CARNS1: variants seen among roughly 807,000 people sequenced by gnomAD.
CARNS1 encodes ATP-grasp domain containing 1.
A neutral mutation model predicts 74.0 loss-of-function variants in CARNS1; 61 were observed. That is an observed-to-expected ratio of 0.82 (90% confidence interval 0.67 to 1.02). The LOEUF is 1.02. Among genes scored for constraint, CARNS1 ranks in the 50% least tolerant of loss-of-function variants. The pLI, the probability that CARNS1 is intolerant of heterozygous loss-of-function variation, is 0.00. For missense variants in CARNS1, 1,278 were observed against 1,308.4 expected (o/e 0.98, Z 0.36); for synonymous variants, 568 against 605.5 (o/e 0.94, Z 0.91).
rs1863698011 is a variant in CARNS1, at chr11:67,421,299, G to T, written c.1626+80G>T. The T allele has an allele frequency of 9.8e-6, 13 of 1,331,726 alleles. 1 individual carries two copies. In the South Asian group the frequency reaches 2.1e-4, roughly 21 times the overall value. 82.5% of individuals were successfully genotyped at this position (1,331,726 alleles called of 1,614,324 possible). On this transcript the variant is annotated intron_variant, in intron 9 of 9. Transcript: ENST00000687366. ...GCGGGACCCCGGGGCGGGGCCTGGA[G>T]CAAAGGGGCGTCCTTGGGGCGGGAC...
At position 67,417,428 on chromosome 11, in the gene CARNS1, C is replaced by A; in HGVS notation, c.25C>A (p.Pro9Thr). The A allele has an allele frequency of 7.1e-7, 1 of 1,398,932 alleles. No homozygotes were observed. Among genetic ancestry groups the A allele is most frequent in the South Asian group, 1.6e-5 (1 of 64,438 alleles). The allele number at this position is 1,398,932 out of a possible 1,614,324, so 86.7% of individuals were successfully genotyped here. Residue 9 changes from proline to threonine, a missense_variant, in exon 3 of 10, where the codon CCC becomes ACC. Physicochemically the swap from Pro to Thr is conservative, Grantham distance 38. Around this residue, in one of 3 missense-constraint regions of CARNS1, gnomAD observed 104 missense variants for 127.3 expected, o/e 0.82. Transcript: ENST00000687366. ...TCAGCTCTCCCTGGATCCATCGGGT[C>A]CCGAGTGGGATTGCCCACTGGGCTC... The part of the protein sequence containing the change: MLSLDPSG[P>T]EWDCPLGSKD...
intron 2 of CARNS1, chr11:67,416,506 C>T (rs752157395): frequency 5.2e-5 from 65 of 1,245,270 alleles, no homozygotes; most frequent in East Asian, 1.3e-4. Context: ...AGTCCTCTGC[C>T]GTCTGGGCCA....
chr11:67,425,530 C>T lies in CARNS1; in HGVS notation c.*929C>T, dbSNP rs934250366. 5.9e-6 allele frequency: 1 copy of T among 169,224 alleles called. No individual in the cohort carries two copies. The highest frequency in any genetic ancestry group is 1.3e-5 in the Non-Finnish European group (1 of 77,290). The allele number at this position is 169,224 out of a possible 1,614,324, so 10.5% of individuals were successfully genotyped here. On this transcript the variant is annotated 3_prime_UTR_variant, in exon 10 of 10. Coordinates refer to ENST00000687366, the MANE Select transcript of CARNS1 (RefSeq NM_001166222.2). ...ATTCAGGGAAGATGCTTTAAGAAAT[C>T]CTGCCTCTGTGCAGCAGAGGAGCTG... is the stretch of plus-strand genomic sequence containing the variant.
rs1424252421 is a variant in CARNS1 at position 67,420,814 on chromosome 11, G to A, written c.1319G>A (p.Gly440Glu). ...EAGLSAEQRG[G>E]RRAHTDFLGV... Reference sequence around the variant, plus strand: ...GGCCTGAGTGCCGAGCAGCGCGGCGGGCGCCGGGCGCACACGGACTTCCTG... The same window carrying A: ...GGCCTGAGTGCCGAGCAGCGCGGCGAGCGCCGGGCGCACACGGACTTCCTG... Residue 440 changes from glycine to glutamate, a missense_variant, in exon 8 of 10, where the codon GGG becomes GAG. Around this residue, in one of 3 missense-constraint regions of CARNS1, gnomAD observed 1,164 missense variants for 1,156.5 expected, o/e 1.01. Coordinates refer to ENST00000687366, the MANE Select transcript of CARNS1 (RefSeq NM_001166222.2). 2 of 1,222,900 alleles carry A rather than the reference G, an allele frequency of 1.6e-6. No homozygotes were observed. The highest frequency in any genetic ancestry group is 1.6e-5 in the African/African-American group (1 of 63,446). 75.8% of individuals were successfully genotyped at this position (1,222,900 alleles called of 1,614,324 possible).
At position 67,423,832 on chromosome 11, in the gene CARNS1, A is replaced by G; in HGVS notation, c.2084A>G (p.His695Arg). ...CTGGTAGAGGATGCGCCACAGTGCC[A>G]TGAGCACTTTTCCCGGATTACCCGA... The part of the protein sequence containing the change: ...VRLVEDAPQC[H>R]EHFSRITRDL... The change falls in exon 10 of 10, where the codon CAT (histidine) becomes CGT (arginine). Residue 695 changes from histidine to arginine, a missense_variant. Around this residue, in one of 3 missense-constraint regions of CARNS1, gnomAD observed 1,164 missense variants for 1,156.5 expected, o/e 1.01. Transcript: ENST00000687366. The surrounding 1 kb of genome is among the most constrained non-coding windows in gnomAD (Gnocchi z 5.1). The G allele has an allele frequency of 6.2e-7, 1 of 1,611,370 alleles. No individual in the cohort carries two copies.
Position 67,417,563 on chromosome 11 carries a change from C to A in CARNS1, c.160C>A (p.Pro54Thr). 1 of 1,377,830 alleles carries A rather than the reference C, an allele frequency of 7.3e-7. No individual in the cohort carries two copies. Among genetic ancestry groups the A allele is most frequent in the South Asian group, 1.6e-5 (1 of 60,912 alleles). 85.4% of individuals were successfully genotyped at this position (1,377,830 alleles called of 1,614,324 possible). The change falls in exon 3 of 10, where the codon CCC (proline) becomes ACC (threonine). Residue 54 changes from proline to threonine, a missense_variant. Coordinates refer to ENST00000687366, the MANE Select transcript of CARNS1 (RefSeq NM_001166222.2). Reference sequence around the variant, plus strand: ...CGTGGGCCTGGACTGCAAGGGATCCCCCGAGGGGGCCGAGGCCCGGGCTTG... The same window carrying A: ...CGTGGGCCTGGACTGCAAGGGATCCACCGAGGGGGCCGAGGCCCGGGCTTG... ...QDVGLDCKGSPEGAEARAWTV... is the reference protein window; with the variant it reads ...QDVGLDCKGSTEGAEARAWTV...
At chr11:67,415,857 C>T (rs1332784308) in intron 1 of CARNS1, 94 bp downstream of exon 1, 2 of 196,120 alleles carry the variant, frequency 1.0e-5, no homozygotes, top group Non-Finnish European at 2.1e-5. Flanking sequence ...GCCCGCTCCC[C>T]GCGGCGGGAC....
intron 7 of CARNS1, among the ~76,000 whole-genome samples, chr11:67,420,202 T>C (rs1863660288): frequency 6.6e-6 from 1 of 151,094 alleles, no homozygotes; most frequent in Non-Finnish European, 1.5e-5. Context: ...AGCTGGAGAG[T>C]CAGGAAGGCT....
At chr11:67,421,366 A>G (rs1863700644) in intron 9 of CARNS1, 147 bp downstream of exon 9, 4 of 964,386 alleles carry the variant, frequency 4.1e-6, no homozygotes, top group Non-Finnish European at 5.7e-6. Flanking sequence ...CATCCTGGCC[A>G]GGTACAAGTA....
At chr11:67,416,717 C>T (rs1863553924) in intron 2 of CARNS1, 1 of 986,372 alleles carries the variant, frequency 1.0e-6, no homozygotes, top group African/African-American at 1.7e-5. Flanking sequence ...ACAAGAATTC[C>T]ATTCACACGA....
In CARNS1 at chr11:67,421,147, G is replaced by A. The variant is rs1863687751; in HGVS notation, c.1554G>A (p.Gln518=). The change falls in exon 9 of 10, where the codon CAG becomes CAA. Residue 518 remains glutamine, a synonymous_variant. Coordinates refer to ENST00000687366, the MANE Select transcript of CARNS1 (RefSeq NM_001166222.2). ...CGCGCTGCCTCATGGAGGGAAAACA[G>A]CTGCTGGTGGTCGGCGCTGGCGGCG... ...RSARCLMEGK[Q]LLVVGAGGVS... 1 of 1,492,502 alleles carries A rather than the reference G, an allele frequency of 6.7e-7. No homozygotes were observed. Among genetic ancestry groups the A allele is most frequent in the South Asian group, 1.3e-5 (1 of 79,752 alleles). The allele number at this position is 1,492,502 out of a possible 1,614,324, so 92.5% of individuals were successfully genotyped here.
rs1173831816 is a variant in CARNS1, at chr11:67,421,015, G to A, written c.1422G>A (p.Leu474=). The A allele has an allele frequency of 1.1e-5, 15 of 1,382,692 alleles. No individual in the cohort carries two copies. Among genetic ancestry groups the A allele is most frequent in the Non-Finnish European group, 1.4e-5 (15 of 1,074,672 alleles). 85.7% of individuals were successfully genotyped at this position (1,382,692 alleles called of 1,614,324 possible). ...VALELNGGLC[L]EACGALEGLW... ...TGGAGCTGAACGGCGGCCTGTGTCT[G>A]GAGGCGTGCGGCGCGCTGGAGGGGC... Residue 474 remains leucine, a synonymous_variant, in exon 9 of 10, where the codon CTG becomes CTA. Transcript: ENST00000687366.
chr11:67,421,727 T>C (rs899304628), intron 9 of CARNS1, among the ~76,000 whole-genome samples: 1 of 151,968 alleles, frequency 6.6e-6, no homozygotes, highest in African/African-American at 2.4e-5. Flanking sequence ...GGTAGACTTG[T>C]TTTTGTTTTT....
At position 67,423,314 on chromosome 11, in the gene CARNS1, C is replaced by A. The variant is rs1863750177; in HGVS notation, c.1627-61C>A. ...TGAAGGGGCCATCCTAGGCCCCATC[C>A]TATCCCCCTAGCACCCAGTACTAGC... On this transcript the variant is annotated intron_variant, in intron 9 of 9. Coordinates refer to ENST00000687366, the MANE Select transcript of CARNS1 (RefSeq NM_001166222.2). This position sits in a 1 kb window ranked among gnomAD's most constrained non-coding sequence, Gnocchi z 5.1. 1.3e-6 allele frequency: 2 copies of A among 1,531,988 alleles called. No individual in the cohort carries two copies. Among genetic ancestry groups the A allele is most frequent in the Non-Finnish European group, 1.8e-6 (2 of 1,132,854 alleles). The allele number at this position is 1,531,988 out of a possible 1,614,324, so 94.9% of individuals were successfully genotyped here.
rs116762183 is a variant in CARNS1, at chr11:67,418,574, C to G, written c.364+54C>G. The G allele has an allele frequency of 4.7e-3, 6,892 of 1,481,550 alleles. 259 individuals carry two copies. In the African/African-American group the frequency reaches 0.085, roughly 18 times the overall value. 91.8% of individuals were successfully genotyped at this position (1,481,550 alleles called of 1,614,324 possible). ...CCTTCTACAGAAAGGGCAGCCCTGC[C>G]CTGGCCCAGCCACATCCCAAAATAC... On this transcript the variant is annotated intron_variant, in intron 4 of 9. Coordinates refer to ENST00000687366, the MANE Select transcript of CARNS1 (RefSeq NM_001166222.2).
chr11:67,422,501 A>T (rs981373275), intron 9 of CARNS1, among the ~76,000 whole-genome samples: 2 of 152,142 alleles, frequency 1.3e-5, no homozygotes, highest in South Asian at 2.1e-4. Flanking sequence ...AATTTTAAAA[A>T]TTTTTAGTAG....
At chr11:67,418,225 C>A (rs1044512566) in intron 3 of CARNS1, among the ~76,000 whole-genome samples, 1 of 152,176 alleles carries the variant, frequency 6.6e-6, no homozygotes, top group Non-Finnish European at 1.5e-5. Flanking sequence ...CCCACAGCAC[C>A]TCTGGAACAG....
rs1190817584 is a variant in CARNS1, at chr11:67,421,203, G to A, written c.1610G>A (p.Arg537His). ...VSKKFVWEAA[R>H]DYGLQLHLVE... ...AAGAAGTTCGTGTGGGAGGCGGCGC[G>A]CGACTACGGGCTCCAGGTGGGCGGG... The change falls in exon 9 of 10, where the codon CGC becomes CAC. Residue 537 changes from arginine (R) to histidine (H), a missense_variant. Physicochemically the swap from Arg to His is conservative, Grantham distance 29. This residue lies in a region of CARNS1 where 1,164 missense variants were observed against 1,156.5 expected (regional missense o/e 1.01). Transcript: ENST00000687366. The A allele has an allele frequency of 4.0e-6, 6 of 1,491,464 alleles. No homozygotes were observed. Among genetic ancestry groups the A allele is most frequent in the Non-Finnish European group, 5.3e-6 (6 of 1,127,044 alleles). 92.4% of individuals were successfully genotyped at this position (1,491,464 alleles called of 1,614,324 possible).
At chr11:67,419,920 G>C (rs1236082522) in intron 7 of CARNS1, 82 bp downstream of exon 7, 4 of 1,409,740 alleles carry the variant, frequency 2.8e-6, no homozygotes, top group Non-Finnish European at 3.9e-6. Context: ...AAGGGCCCCT[G>C]AGCCGTCTCT....
Sources: allele counts gnomAD v4.1 joint callset (sites outside exome capture counted in the v4.1 genomes callset), GRCh38; gene constraint gnomAD v4.1.1; regional missense constraint gnomAD v4.1.1; non-coding constraint Gnocchi (gnomAD v3.1); transcripts MANE v1.5; gene names NCBI Gene and HGNC (gene_info 2026-07-23, HGNC 2026-07-21).